The following RELN variants were observed in gnomAD, a reference collection of about 807,000 sequenced individuals.
The protein encoded by RELN is reelin.
A neutral mutation model predicts 427.6 loss-of-function variants in RELN; 108 were observed. The observed-to-expected ratio is 0.25, with a 90% CI of 0.22 to 0.30. The LOEUF (loss-of-function observed/expected upper bound fraction) is 0.30. RELN is among the 10% of genes least tolerant of loss of function. The pLI, the probability that RELN is intolerant of heterozygous loss-of-function variation, is 1.00. For missense variants in RELN, 3,715 were observed against 4,302.8 expected (o/e 0.86, Z 3.82); for synonymous variants, 1,524 against 1,513.4 (o/e 1.01, Z -0.16).
intron 37 of RELN, 55 bp from the exon 38 acceptor site, chr7:103,557,214 G>A (rs1830544689): frequency 7.0e-7 from 1 of 1,422,918 alleles, no homozygotes; most frequent in African/African-American, 1.4e-5. Context: ...TGGGGAAATG[G>A]TATGTTCTTA....
At chr7:103,693,879 A>C (rs1381121191) in intron 10 of RELN, among the ~76,000 whole-genome samples, 1 of 152,094 alleles carries the variant, frequency 6.6e-6, no homozygotes, top group Non-Finnish European at 1.5e-5. Context: ...TCCTCTGTAG[A>C]TTACTGAAAA....
chr7:103,847,058 C>G (rs1000318660), intron 2 of RELN, among the ~76,000 whole-genome samples: 1 of 152,184 alleles, frequency 6.6e-6, no homozygotes, highest in Non-Finnish European at 1.5e-5. Context: ...ACTCAGCAAT[C>G]CCATCACTGG....
chr7:103,474,974 A>C (rs1433878697), intron 64 of RELN, among the ~76,000 whole-genome samples: 1 of 152,214 alleles, frequency 6.6e-6, no homozygotes, highest in African/African-American at 2.4e-5. Context: ...CACTTTGCCC[A>C]AAACCATGCA....
At chr7:103,601,207 T>G (rs967756101) in intron 24 of RELN, among the ~76,000 whole-genome samples, 1 of 147,034 alleles carries the variant, frequency 6.8e-6, no homozygotes, top group African/African-American at 2.6e-5. Flanking sequence ...AAATTGATGC[T>G]TATAGGACCA....
At chr7:103,925,010 A>G (rs139612723) in intron 1 of RELN, among the ~76,000 whole-genome samples, 1 of 49,088 alleles carries the variant, frequency 2.0e-5, no homozygotes, top group East Asian at 7.0e-4. Context: ...ACACACACAC[A>G]CACACACACA....
At chr7:103,836,106 G>A (rs1458525876) in intron 2 of RELN, among the ~76,000 whole-genome samples, 4 of 152,054 alleles carry the variant, frequency 2.6e-5, no homozygotes, top group Non-Finnish European at 5.9e-5. Context: ...GGGATTACAG[G>A]TGCCTGCCAC....
At chr7:103,651,636 A>G (rs900649927) in intron 15 of RELN, 25 bp downstream of exon 15, 1 of 1,605,588 alleles carries the variant, frequency 6.2e-7, no homozygotes, top group African/African-American at 1.3e-5. Flanking sequence ...CAAGTATTTC[A>G]ATATCTCAGA....
intron 19 of RELN, among the ~76,000 whole-genome samples, chr7:103,630,612 T>G (rs989759280): frequency 6.6e-5 from 10 of 152,148 alleles, no homozygotes; most frequent in African/African-American, 2.2e-4. Flanking sequence ...AAATTAAGAA[T>G]AATATCTAAT....
At chr7:103,873,417 G>C (rs1205417025) in intron 2 of RELN, among the ~76,000 whole-genome samples, 1 of 128,296 alleles carries the variant, frequency 7.8e-6, no homozygotes, top group Non-Finnish European at 1.7e-5. Flanking sequence ...GAATCCAGGA[G>C]CTGGTTTTTT....
intron 1 of RELN, among the ~76,000 whole-genome samples, chr7:103,957,735 T>A (rs191180866): frequency 1.3e-5 from 2 of 152,302 alleles, no homozygotes; most frequent in East Asian, 3.9e-4. Context: ...TACTTTCACA[T>A]AAGGCTTTTT....
At chr7:103,687,947 C>A (rs1833796827) in intron 10 of RELN, among the ~76,000 whole-genome samples, 1 of 152,096 alleles carries the variant, frequency 6.6e-6, no homozygotes, top group East Asian at 1.9e-4. Flanking sequence ...TACAAATAGG[C>A]CTCATTGGGG....
At chr7:103,489,257 A>G (rs190441920) in intron 60 of RELN, among the ~76,000 whole-genome samples, 12 of 149,220 alleles carry the variant, frequency 8.0e-5, no homozygotes, top group African/African-American at 3.1e-4. Flanking sequence ...GGAAACCAGA[A>G]CATTTTGAGT....
intron 1 of RELN, among the ~76,000 whole-genome samples, chr7:103,917,844 T>C (rs1470015694): frequency 2.0e-5 from 3 of 152,114 alleles, no homozygotes; most frequent in Admixed American, 6.6e-5. Flanking sequence ...TAAAATTAAA[T>C]ATATACGTAT....
Position 103,651,698 on chromosome 7 carries a change from G to T in RELN, c.1855C>A (p.Pro619Thr), listed in dbSNP as rs1383047241. 2 of 1,611,832 alleles carry T rather than the reference G, an allele frequency of 1.2e-6. No homozygotes were observed. The highest frequency in any genetic ancestry group is 1.7e-6 in the Non-Finnish European group (2 of 1,178,618). The change falls in exon 15 of 65, where the codon CCC becomes ACC. Residue 619 changes from proline to threonine, a missense_variant. Transcript: ENST00000428762. ...TCAGAGGAGTAGACAGTGCTGTGGG[G>T]GAGGTGGGGTCCAGCACAGATCTCA... ...LPEICAGPHL[P>T]HSTVYSSENY...
intron 2 of RELN, among the ~76,000 whole-genome samples, chr7:103,896,590 C>G (rs768241293): frequency 6.6e-6 from 1 of 152,018 alleles, no homozygotes; most frequent in Non-Finnish European, 1.5e-5. Flanking sequence ...GAGATTGCCT[C>G]TGGGTAGTGG....
intron 31 of RELN, 64 bp downstream of exon 31, chr7:103,572,120 T>C: frequency 1.1e-6 from 1 of 925,824 alleles, no homozygotes; most frequent in Non-Finnish European, 1.8e-6. Context: ...GGCCAAACTT[T>C]GGGAGGATAA....
At chr7:103,537,251 C>A (rs1475998198) in intron 45 of RELN, among the ~76,000 whole-genome samples, 2 of 152,146 alleles carry the variant, frequency 1.3e-5, no homozygotes, top group Non-Finnish European at 2.9e-5. Context: ...TCAATTTTAT[C>A]TATTCCATGT....
intron 1 of RELN, among the ~76,000 whole-genome samples, chr7:103,943,318 C>G (rs1290184127): frequency 1.3e-5 from 2 of 151,956 alleles, no homozygotes; most frequent in East Asian, 3.9e-4. Flanking sequence ...GAGCCGGAAA[C>G]ACATTTACAT....
intron 2 of RELN, among the ~76,000 whole-genome samples, chr7:103,886,620 C>T (rs1794730918): frequency 6.6e-6 from 1 of 152,070 alleles, no homozygotes; most frequent in Non-Finnish European, 1.5e-5. Context: ...TAAGTAAATC[C>T]CATAATGTTA....
Sources: gnomAD v4.1 joint callset for allele counts (sites outside exome capture counted in the v4.1 genomes callset) on GRCh38, gnomAD v4.1.1 for gene constraint, MANE v1.5 for transcripts, NCBI Gene and HGNC (gene_info 2026-07-23, HGNC 2026-07-21) for gene names.